The following SNX25 variants were observed in gnomAD, a reference collection of about 807,000 sequenced individuals.
The protein encoded by SNX25 is sorting nexin-25.
In SNX25, 62 loss-of-function variants were observed where a neutral mutation model predicts 113.7. The observed-to-expected ratio is 0.55, with a 90% CI of 0.44 to 0.67. SNX25 has a LOEUF of 0.67. Among genes scored for constraint, SNX25 ranks in the 30% least tolerant of loss-of-function variants. SNX25 has a pLI of 0.00. For synonymous variants in SNX25, 421 were observed against 436.2 expected, an observed-to-expected ratio of 0.97 and a Z score of 0.43; for missense variants, 1,014 against 1,161.0, an observed-to-expected ratio of 0.87 and a Z score of 1.84.
At chr4:185,306,655 A>G (rs1754515192) in intron 6 of SNX25, among the ~76,000 whole-genome samples, 1 of 152,250 alleles carries the variant, frequency 6.6e-6, no homozygotes, top group Non-Finnish European at 1.5e-5. Flanking sequence ...GGTTTGTTTT[A>G]TAAATAAGAG....
At chr4:185,330,204 TGGA>T (rs1313821313) in intron 9 of SNX25, among the ~76,000 whole-genome samples, 2 of 152,084 alleles carry the variant, frequency 1.3e-5, no homozygotes, top group Admixed American at 1.3e-4. Flanking sequence ...TGTTTCTGTG[TGGA>T]GGAGAAGTTT....
At chr4:185,358,020 TGAC>T (rs749151578) in intron 16 of SNX25, among the ~76,000 whole-genome samples, 1 of 152,226 alleles carries the variant, frequency 6.6e-6, no homozygotes, top group African/African-American at 2.4e-5. Flanking sequence ...CCTTTAATCA[TGAC>T]GACGAGTTTG....
intron 2 of SNX25, among the ~76,000 whole-genome samples, chr4:185,257,460 T>C (rs535834415): frequency 1.1e-4 from 17 of 152,252 alleles, no homozygotes; most frequent in Admixed American, 9.2e-4. Flanking sequence ...CTAGTCCAAA[T>C]TGAGATTACT....
At chr4:185,242,245 G>T (rs914817804) in intron 1 of SNX25, among the ~76,000 whole-genome samples, 11 of 152,068 alleles carry the variant, frequency 7.2e-5, no homozygotes, top group African/African-American at 1.9e-4. Context: ...AATGTGTGGG[G>T]TTTTTTTCCC....
intron 3 of SNX25, among the ~76,000 whole-genome samples, chr4:185,264,053 C>T (rs553633827): frequency 6.6e-6 from 1 of 152,294 alleles, no homozygotes; most frequent in South Asian, 2.1e-4. Context: ...AGCAGGCTGG[C>T]AACCCTGGTT....
intron 6 of SNX25, among the ~76,000 whole-genome samples, chr4:185,292,215 G>T (rs1369681355): frequency 6.6e-6 from 1 of 152,128 alleles, no homozygotes; most frequent in Non-Finnish European, 1.5e-5. Context: ...AAAAAGACAG[G>T]TTCCATGGAA....
intron 2 of SNX25, among the ~76,000 whole-genome samples, chr4:185,253,755 C>T (rs1746007759): frequency 6.6e-6 from 1 of 152,246 alleles, no homozygotes; most frequent in Non-Finnish European, 1.5e-5. Flanking sequence ...AGGCGTGAGC[C>T]ACCATGCCCA....
intron 9 of SNX25, among the ~76,000 whole-genome samples, chr4:185,324,146 G>A (rs1289151061): frequency 1.3e-5 from 2 of 152,096 alleles, no homozygotes; most frequent in African/African-American, 4.8e-5. Flanking sequence ...AAGTCTGTAG[G>A]GTGGGACATT....
chr4:185,280,118 C>T (rs1428654187), intron 5 of SNX25, among the ~76,000 whole-genome samples: 1 of 152,108 alleles, frequency 6.6e-6, no homozygotes, highest in East Asian at 1.9e-4. Context: ...TCTGTAGAGA[C>T]GAGGTCTCAT....
intron 9 of SNX25, among the ~76,000 whole-genome samples, chr4:185,330,826 A>G (rs1473830086): frequency 6.6e-6 from 1 of 152,056 alleles, no homozygotes. Flanking sequence ...GGTTCTTTAC[A>G]TATAAAATCA....
chr4:185,205,756 G>A (rs1737159151), upstream of SNX25, among the ~76,000 whole-genome samples: 1 of 152,346 alleles, frequency 6.6e-6, no homozygotes, highest in East Asian at 1.9e-4. Flanking sequence ...TTGAACCCAG[G>A]AGGGAAATGT....
intron 5 of SNX25, among the ~76,000 whole-genome samples, chr4:185,276,848 G>A (rs897569191): frequency 4.6e-5 from 7 of 152,066 alleles, no homozygotes; most frequent in African/African-American, 1.7e-4. Flanking sequence ...CCCTTAAGAG[G>A]AAGGAAAAAA....
At chr4:185,280,431 C>CA (rs796402061) in intron 5 of SNX25, among the ~76,000 whole-genome samples, 2 of 151,920 alleles carry the variant, frequency 1.3e-5, no homozygotes, top group African/African-American at 2.4e-5. Context: ...TTTTATAAAA[C>CA]AAAAAAATTA....
intron 1 of SNX25, among the ~76,000 whole-genome samples, chr4:185,221,717 C>A (rs1739885592): frequency 6.6e-6 from 1 of 152,080 alleles, no homozygotes; most frequent in African/African-American, 2.4e-5. Flanking sequence ...GTCATAATTA[C>A]CCTCACTCCT....
intron 2 of SNX25, among the ~76,000 whole-genome samples, chr4:185,257,729 C>T (rs1355998853): frequency 1.3e-5 from 2 of 151,916 alleles, no homozygotes; most frequent in African/African-American, 2.4e-5. Context: ...AAACTTAAAA[C>T]TTACATATGT....
downstream of SNX25, chr4:185,374,259 C>G (rs1240361910): frequency 6.2e-7 from 1 of 1,614,076 alleles, no homozygotes; most frequent in East Asian, 2.2e-5. Context: ...GAAAGTGAGG[C>G]ATGTTATTCT....
intron 1 of SNX25, among the ~76,000 whole-genome samples, chr4:185,246,531 C>T (rs527535359): frequency 1.3e-5 from 2 of 152,170 alleles, no homozygotes; most frequent in Non-Finnish European, 2.9e-5. Flanking sequence ...ATTTGTTTAT[C>T]TTTTATGATT....
intron 2 of SNX25, among the ~76,000 whole-genome samples, chr4:185,252,993 A>C (rs1405959123): frequency 6.6e-6 from 1 of 152,242 alleles, no homozygotes; most frequent in Non-Finnish European, 1.5e-5. Context: ...AAGGCAGAAC[A>C]GTTACCCTTC....
intron 6 of SNX25, among the ~76,000 whole-genome samples, chr4:185,308,290 A>T (rs1357453615): frequency 6.6e-6 from 1 of 152,246 alleles, no homozygotes; most frequent in Non-Finnish European, 1.5e-5. Context: ...CAACTTGAGA[A>T]AACATTGTTA....
Sources: gnomAD v4.1 joint callset for allele counts (sites outside exome capture counted in the v4.1 genomes callset) on GRCh38, gnomAD v4.1.1 for gene constraint, MANE v1.5 for transcripts, NCBI Gene and HGNC (gene_info 2026-07-23, HGNC 2026-07-21) for gene names.